The following MAP2K1 variants were observed in gnomAD, a reference collection of about 807,000 sequenced individuals.
MAP2K1 encodes mitogen-activated protein kinase kinase 1.
A neutral mutation model predicts 46.3 loss-of-function variants in MAP2K1; 16 were observed. The observed-to-expected ratio is 0.35, with a 90% CI of 0.23 to 0.52. The LOEUF (loss-of-function observed/expected upper bound fraction) is 0.52. Among genes scored for constraint, MAP2K1 ranks in the 20% least tolerant of loss-of-function variants. The pLI, the probability that MAP2K1 is intolerant of heterozygous loss-of-function variation, is 0.94. For missense variants in MAP2K1, 263 were observed against 497.1 expected, an observed-to-expected ratio of 0.53 and a Z score of 4.48; for synonymous variants, 183 against 185.6, an observed-to-expected ratio of 0.99 and a Z score of 0.11.
chr15:66,399,035 A>C (rs1191514336), intron 1 of MAP2K1, among the ~76,000 whole-genome samples: 1 of 152,182 alleles, frequency 6.6e-6, no homozygotes, highest in Non-Finnish European at 1.5e-5. Context: ...GGCCTCCCAA[A>C]GTGCTGGGAT....
rs574828384 is a variant in MAP2K1, at chr15:66,490,651, C to T, written c.*36C>T. ...AGCAACAAAGAGCGAGTCCCCTGCC[C>T]GGTGGTTTGCCATGTCGCTTTTGGG... On this transcript the variant is annotated 3_prime_UTR_variant, in exon 11 of 11. Coordinates refer to ENST00000307102, the MANE Select transcript of MAP2K1 (RefSeq NM_002755.4). 19 of 1,538,808 alleles carry T rather than the reference C, an allele frequency of 1.2e-5. No homozygotes were observed. The highest frequency in any genetic ancestry group is 8.9e-5 in the South Asian group (8 of 89,550).
Position 66,421,093 on chromosome 15 carries a change from T to TACACAC in MAP2K1, c.81-13906_81-13901dup, listed in dbSNP as rs71454561. ...ACACATATATACACATACACACACA[T>TACACAC]ACACACACACACACACACACACACA... is the stretch of plus-strand genomic sequence containing the variant. On this transcript the variant is annotated intron_variant, in intron 1 of 10. Coordinates refer to ENST00000307102, the MANE Select transcript of MAP2K1 (RefSeq NM_002755.4). Among the ~76,000 whole-genome samples the TACACAC allele has an allele frequency of 4.0e-3, 521 of 128,820 alleles. 9 individuals carry two copies. The highest frequency in any genetic ancestry group is 0.01 in the African/African-American group (353 of 34,016). The allele number at this position is 128,820 out of a possible 152,430, so 84.5% of individuals were successfully genotyped here.
At chr15:66,428,773 CTTTTTTTTTTTTTT>C (rs1196428468) in intron 1 of MAP2K1, among the ~76,000 whole-genome samples, 15 of 78,196 alleles carry the variant, frequency 1.9e-4, no homozygotes, top group African/African-American at 6.8e-4. Flanking sequence ...ATTTTCTTTC[CTTTTTTTTTTTTTT>C]TTTTTTTTTT....
chr15:66,464,207 CAGGT>C (rs1325492416), intron 5 of MAP2K1, among the ~76,000 whole-genome samples: 1 of 152,134 alleles, frequency 6.6e-6, no homozygotes, highest in Non-Finnish European at 1.5e-5. Context: ...TATTCCTAGA[CAGGT>C]AGGTAGGTCC....
At chr15:66,428,041 C>T (rs940761525) in intron 1 of MAP2K1, among the ~76,000 whole-genome samples, 27 of 152,086 alleles carry the variant, frequency 1.8e-4, no homozygotes, top group Admixed American at 7.9e-4. Flanking sequence ...TCCAACTTGA[C>T]GTGGCTATTC....
chr15:66,460,316 C>G (rs1356975309), intron 5 of MAP2K1, among the ~76,000 whole-genome samples: 15 of 152,160 alleles, frequency 9.9e-5, no homozygotes, highest in Admixed American at 9.8e-4. Flanking sequence ...TGTCTCTTAG[C>G]TCCTTAAGAG....
chr15:66,403,702 A>C (rs1170608727), intron 1 of MAP2K1, among the ~76,000 whole-genome samples: 1 of 152,216 alleles, frequency 6.6e-6, no homozygotes, highest in African/African-American at 2.4e-5. Flanking sequence ...GAAATGAGTC[A>C]ATCGTTGTTT....
chr15:66,481,981 G>T (rs559313678), intron 6 of MAP2K1, 102 bp downstream of exon 6: 1 of 1,403,776 alleles, frequency 7.1e-7, no homozygotes, highest in Non-Finnish European at 9.8e-7. Context: ...CTGGGTAGGG[G>T]ACAAGAAGTG....
intron 2 of MAP2K1, 64 bp downstream of exon 2, chr15:66,435,301 C>A (rs1245867338): frequency 7.3e-7 from 1 of 1,361,314 alleles, no homozygotes; most frequent in Non-Finnish European, 1.1e-6. Flanking sequence ...GCCTGGGGAC[C>A]AGGGTAGAAG....
chr15:66,397,862 G>A (rs8041645), intron 1 of MAP2K1, among the ~76,000 whole-genome samples: 15,610 of 152,190 alleles, frequency 0.1, 845 homozygotes, highest in African/African-American at 0.14. Context: ...CCAGCACTTC[G>A]GGAGGCCGAG....
intron 4 of MAP2K1, 58 bp from the exon 5 acceptor site, chr15:66,444,598 A>AT: frequency 8.4e-7 from 1 of 1,185,448 alleles, no homozygotes; most frequent in Non-Finnish European, 1.3e-6. Flanking sequence ...TTTAAAATAG[A>AT]TTGAGTATTT....
chr15:66,413,951 G>A (rs1156908888), intron 1 of MAP2K1, among the ~76,000 whole-genome samples: 1 of 134,812 alleles, frequency 7.4e-6, no homozygotes, highest in East Asian at 2.1e-4. Context: ...TTATGGTGAA[G>A]GGACTTTTTT....
chr15:66,398,664 GAAAA>G (rs925810312), intron 1 of MAP2K1, among the ~76,000 whole-genome samples: 1 of 148,180 alleles, frequency 6.7e-6, no homozygotes, highest in Non-Finnish European at 1.5e-5. Context: ...AAACAAAACA[GAAAA>G]AAAAATGTAC....
At chr15:66,477,991 A>G (rs1280184700) in intron 5 of MAP2K1, among the ~76,000 whole-genome samples, 2 of 152,052 alleles carry the variant, frequency 1.3e-5, no homozygotes, top group Non-Finnish European at 2.9e-5. Context: ...CCAACAAGCA[A>G]CTGCTGGACT....
intron 1 of MAP2K1, among the ~76,000 whole-genome samples, chr15:66,410,297 C>G (rs2093408187): frequency 6.6e-6 from 1 of 152,216 alleles, no homozygotes; most frequent in African/African-American, 2.4e-5. Context: ...CTTACATTTT[C>G]TCTTGACATA....
At chr15:66,425,937 A>G (rs1273507510) in intron 1 of MAP2K1, among the ~76,000 whole-genome samples, 3 of 152,192 alleles carry the variant, frequency 2.0e-5, no homozygotes, top group East Asian at 3.8e-4. Flanking sequence ...CATAGAGGGG[A>G]AAGACTTTTC....
chr15:66,465,648 C>T (rs1892444996), intron 5 of MAP2K1, among the ~76,000 whole-genome samples: 1 of 152,102 alleles, frequency 6.6e-6, no homozygotes, highest in Non-Finnish European at 1.5e-5. Context: ...TCCCTCACCA[C>T]CACACTCCAG....
intron 1 of MAP2K1, among the ~76,000 whole-genome samples, chr15:66,392,335 C>T (rs12904775): frequency 0.09 from 12,843 of 142,714 alleles, 786 homozygotes; most frequent in Middle Eastern, 0.13. Context: ...CGTGCCACCA[C>T]GCCCTGCTAA....
At chr15:66,387,470 A>C (rs1309720349) in intron 1 of MAP2K1, 43 bp downstream of exon 1, 7 of 1,534,172 alleles carry the variant, frequency 4.6e-6, no homozygotes, top group Non-Finnish European at 6.2e-6. Context: ...CCGGCTGGGG[A>C]GGCCCGAGCC....
Sources: allele counts gnomAD v4.1 joint callset (sites outside exome capture counted in the v4.1 genomes callset), GRCh38; gene constraint gnomAD v4.1.1; transcripts MANE v1.5; gene names NCBI Gene and HGNC (gene_info 2026-07-23, HGNC 2026-07-21).